Variants in RYR2 observed in about 807,000 individuals in gnomAD.
RYR2 encodes ryanodine receptor 2.
RYR2 carries 227 observed loss-of-function variants against 601.1 expected under a neutral mutation model. The ratio of observed to expected loss-of-function variants is 0.38; its 90% CI spans 0.34 to 0.42. RYR2 has a LOEUF of 0.42. Ranked by LOEUF, RYR2 falls within the 10% of genes least tolerant of loss-of-function variation. The probability of loss-of-function intolerance (pLI) is 1.00; values close to 1 mark genes in which losing one functional copy is unlikely to be tolerated. For missense variants in RYR2, 4,646 were observed against 6,156.5 expected (o/e 0.75, Z 8.21); for synonymous variants, 2,223 against 2,175.1 (o/e 1.02, Z -0.61).
At chr1:237,753,694 T>C (rs1196023832) in intron 80 of RYR2, among the ~76,000 whole-genome samples, 5 of 152,180 alleles carry the variant, frequency 3.3e-5, no homozygotes, top group Non-Finnish European at 2.9e-5. Context: ...ACACAAAGAC[T>C]AAACTGCAGG....
chr1:237,120,431 G>C (rs979658472), intron 1 of RYR2, among the ~76,000 whole-genome samples: 5 of 152,184 alleles, frequency 3.3e-5, no homozygotes, highest in Non-Finnish European at 7.3e-5. Context: ...ATGCAAAGCT[G>C]TTCTGAGTCT....
intron 34 of RYR2, among the ~76,000 whole-genome samples, chr1:237,598,255 C>T (rs1210702398): frequency 1.3e-5 from 2 of 152,136 alleles, no homozygotes; most frequent in African/African-American, 4.8e-5. Context: ...GCAGATAATC[C>T]AGACAGAAAT....
chr1:237,493,489 G>A (rs1663644878), intron 19 of RYR2, among the ~76,000 whole-genome samples: 2 of 152,034 alleles, frequency 1.3e-5, no homozygotes, highest in South Asian at 2.1e-4. Flanking sequence ...GTCTCGCTCT[G>A]TCGCCCAGGC....
chr1:237,627,863 A>T lies in RYR2; in HGVS notation c.6223A>T (p.Ile2075Phe). 1 of 1,613,652 alleles carries T rather than the reference A, an allele frequency of 6.2e-7. No homozygotes were observed. Among genetic ancestry groups the T allele is most frequent in the East Asian group, 2.2e-5 (1 of 44,850 alleles). Residue 2075 changes from isoleucine to phenylalanine, a missense_variant, in exon 41 of 105, where the codon ATT (isoleucine) becomes TTT (phenylalanine). Physicochemically the swap from Ile to Phe is conservative, Grantham distance 21. This residue lies in a region of RYR2 where 170 missense variants were observed against 184.5 expected (regional missense o/e 0.92). Transcript: ENST00000366574. Reference protein sequence around the residue: ...TMVRWAQESVIEDPELVRAMF... With the variant: ...TMVRWAQESVFEDPELVRAMF... The stretch of plus-strand genomic sequence containing the variant: ...GGTCCGATGGGCTCAGGAGTCTGTC[A>T]TTGAAGACCCCGAGCTGGTGAGGGC...
chr1:237,472,064 A>G (rs4436382), intron 17 of RYR2, among the ~76,000 whole-genome samples: 73,569 of 151,992 alleles, frequency 0.48, 18,943 homozygotes, highest in East Asian at 0.71. Flanking sequence ...ATTTTGCTGA[A>G]CAATTTTTTC....
At chr1:237,646,843 G>T (rs1682213781) in intron 48 of RYR2, among the ~76,000 whole-genome samples, 1 of 152,228 alleles carries the variant, frequency 6.6e-6, no homozygotes, top group South Asian at 2.1e-4. Context: ...GCACTGCGGG[G>T]TGACACTGCT....
At chr1:237,448,178 C>T (rs1281782699) in intron 14 of RYR2, among the ~76,000 whole-genome samples, 3 of 152,116 alleles carry the variant, frequency 2.0e-5, no homozygotes, top group East Asian at 3.9e-4. Context: ...CCACCCACCT[C>T]GGCCTCACAG....
At chr1:237,467,859 T>C (rs1328678503) in intron 16 of RYR2, among the ~76,000 whole-genome samples, 1 of 25,894 alleles carries the variant, frequency 3.9e-5, no homozygotes, top group Non-Finnish European at 8.2e-5. Flanking sequence ...TTTTCTCTGC[T>C]TTTTTTTTTT....
intron 63 of RYR2, among the ~76,000 whole-genome samples, chr1:237,690,890 G>A (rs1686883918): frequency 6.6e-6 from 1 of 152,160 alleles, no homozygotes; most frequent in Admixed American, 6.5e-5. Context: ...AATCAGAAGT[G>A]TTATAACCCA....
chr1:237,405,911 C>G (rs879305049), intron 10 of RYR2, among the ~76,000 whole-genome samples: 1 of 89,372 alleles, frequency 1.1e-5, no homozygotes, highest in African/African-American at 3.3e-5. Flanking sequence ...ACTTTCTTAA[C>G]TTTATCTCTT....
chr1:237,660,903 ATGGC>A lies in RYR2; in HGVS notation c.8393_8396del (p.Met2798ThrfsTer30). 6.6e-7 allele frequency: 1 copy of A among 1,522,362 alleles called. No individual in the cohort carries two copies. Among genetic ancestry groups the A allele is most frequent in the Non-Finnish European group, 8.8e-7 (1 of 1,131,482 alleles). 94.3% of individuals were successfully genotyped at this position (1,522,362 alleles called of 1,614,324 possible). The stretch of plus-strand genomic sequence containing the variant: ...TGAAAGAACTCGGGAGGGAGACAGC[ATGGC>A]CCTTTACAACCGGACTCGTCGTATT... On this transcript the variant is annotated frameshift_variant, in exon 56 of 105. Transcript: ENST00000366574. LOFTEE classifies it high-confidence loss of function.
At chr1:237,404,410 G>A (rs536896077) in intron 10 of RYR2, among the ~76,000 whole-genome samples, 1 of 152,328 alleles carries the variant, frequency 6.6e-6, no homozygotes, top group African/African-American at 2.4e-5. Flanking sequence ...AATACATATT[G>A]TAATCTGTAA....
At chr1:237,315,511 AATGAG>A (rs1695023467) in intron 2 of RYR2, among the ~76,000 whole-genome samples, 1 of 152,142 alleles carries the variant, frequency 6.6e-6, no homozygotes, top group Non-Finnish European at 1.5e-5. Context: ...GTCCATTTGC[AATGAG>A]ATGATAAGTG....
chr1:237,692,690 A>G (rs1019887829), intron 63 of RYR2, among the ~76,000 whole-genome samples: 1 of 152,150 alleles, frequency 6.6e-6, no homozygotes, highest in Admixed American at 6.5e-5. Flanking sequence ...CCTCACACAT[A>G]ATTACTCATC....
At chr1:237,319,095 T>C (rs1295590363) in intron 2 of RYR2, among the ~76,000 whole-genome samples, 5 of 152,188 alleles carry the variant, frequency 3.3e-5, no homozygotes, top group Admixed American at 3.3e-4. Context: ...ACCTCTTTAG[T>C]ATATTTATTA....
intron 1 of RYR2, among the ~76,000 whole-genome samples, chr1:237,227,937 T>G (rs1033177878): frequency 9.9e-5 from 15 of 151,972 alleles, no homozygotes; most frequent in Non-Finnish European, 1.5e-5. Context: ...ATCAGAAATG[T>G]GCTGTAAGAA....
chr1:237,214,804 G>GAAGAATAC (rs1468786581), intron 1 of RYR2, among the ~76,000 whole-genome samples: 1 of 151,948 alleles, frequency 6.6e-6, no homozygotes, highest in Non-Finnish European at 1.5e-5. Flanking sequence ...TCTTCCTTAT[G>GAAGAATAC]AACTTTAAGA....
chr1:237,386,678 T>C (rs1336438113), intron 8 of RYR2, among the ~76,000 whole-genome samples: 1 of 152,256 alleles, frequency 6.6e-6, no homozygotes, highest in African/African-American at 2.4e-5. Context: ...TTTATTTTAA[T>C]GTGTTTCTAT....
At chr1:237,352,171 G>A (rs1189206270) in intron 3 of RYR2, among the ~76,000 whole-genome samples, 1 of 152,014 alleles carries the variant, frequency 6.6e-6, no homozygotes, top group Non-Finnish European at 1.5e-5. Flanking sequence ...CAAAACTGGT[G>A]AAATATTGAA....
Sources: gnomAD v4.1 joint callset for allele counts (sites outside exome capture counted in the v4.1 genomes callset) on GRCh38, gnomAD v4.1.1 for gene constraint, gnomAD v4.1.1 regional missense constraint, MANE v1.5 for transcripts, NCBI Gene and HGNC (gene_info 2026-07-23, HGNC 2026-07-21) for gene names.